The following SNRPN variants were observed in gnomAD, a reference collection of about 807,000 sequenced individuals.
SNRPN encodes the protein small nuclear ribonucleoprotein polypeptide N, also known as small nuclear ribonucleoprotein-associated protein N.
SNRPN carries 7 observed loss-of-function variants against 25.2 expected under a neutral mutation model. The ratio of observed to expected loss-of-function variants is 0.28; its 90% confidence interval spans 0.16 to 0.52. The LOEUF (loss-of-function observed/expected upper bound fraction) is 0.52. Ranked by LOEUF, SNRPN falls within the 20% of genes least tolerant of loss-of-function variation. SNRPN has a pLI of 0.96. For synonymous variants in SNRPN, 124 were observed against 110.6 expected, an observed-to-expected ratio of 1.12 and a Z score of -0.76; for missense variants, 196 against 322.5, an observed-to-expected ratio of 0.61 and a Z score of 3.00.
intron 1 of SNRPN, among the ~76,000 whole-genome samples, chr15:24,828,109 A>G (rs2050230797): frequency 6.6e-6 from 1 of 152,106 alleles, no homozygotes; most frequent in African/African-American, 2.4e-5. Flanking sequence ...AAAATTTAAC[A>G]CAATATTGAG....
chr15:24,843,071 A>G (rs1806615793), intron 2 of SNRPN, among the ~76,000 whole-genome samples: 1 of 151,806 alleles, frequency 6.6e-6, no homozygotes, highest in Non-Finnish European at 1.5e-5. Flanking sequence ...CAATTTACTC[A>G]ATTGTTTATG....
At chr15:24,954,455 C>T (rs1193562175), upstream of SNRPN, among the ~76,000 whole-genome samples, 2 of 152,164 alleles carry the variant, frequency 1.3e-5, no homozygotes, top group African/African-American at 4.8e-5. Flanking sequence ...ACAATTTACC[C>T]CCTCAAAATG....
At chr15:24,976,670 AAG>A (rs2077092898) in intron 6 of SNRPN, among the ~76,000 whole-genome samples, 1 of 152,208 alleles carries the variant, frequency 6.6e-6, no homozygotes, top group Admixed American at 6.5e-5. Flanking sequence ...ATGTTTATAA[AAG>A]AGGTGTTTTC....
upstream of SNRPN, among the ~76,000 whole-genome samples, chr15:24,852,808 C>G (rs1045732913): frequency 2.0e-5 from 3 of 152,072 alleles, no homozygotes; most frequent in Non-Finnish European, 2.9e-5. Context: ...TGTCTGCAGT[C>G]TCAGCTACTC....
chr15:24,851,992 A>T (rs1450100168), upstream of SNRPN: 2 of 152,338 alleles, frequency 1.3e-5, no homozygotes, highest in South Asian at 4.1e-4. Context: ...ACATTATATC[A>T]TAGAAAAAGT....
intron 2 of SNRPN, among the ~76,000 whole-genome samples, chr15:24,903,556 C>T (rs938793453): frequency 2.6e-5 from 4 of 152,166 alleles, no homozygotes; most frequent in African/African-American, 2.4e-5. Flanking sequence ...TTGAATGTTT[C>T]GGCACAGGTT....
intron 2 of SNRPN, among the ~76,000 whole-genome samples, chr15:24,889,527 G>C (rs929081650): frequency 1.3e-5 from 2 of 150,738 alleles, no homozygotes; most frequent in Non-Finnish European, 3.0e-5. Context: ...GGATGGTCTT[G>C]ATCTCCTGAC....
rs574344369 is a variant in SNRPN at position 24,978,128 on chromosome 15, G to A, written c.560-65G>A. ...TGGCCCATTTCTTTAGGGATTATTT[G>A]GGCTAAATTCTAACTTTTCTAAGCC... On this transcript the variant is annotated intron_variant, in intron 8 of 9. Coordinates refer to ENST00000390687, the MANE Select transcript of SNRPN (RefSeq NM_003097.6). 2.2e-5 allele frequency: 33 copies of A among 1,523,506 alleles called. No individual in the cohort carries two copies. The East Asian group carries it at 7.5e-4, about 35-fold the overall frequency. The allele number at this position is 1,523,506 out of a possible 1,614,324, so 94.4% of individuals were successfully genotyped here. A position where few individuals can be genotyped will look rare whatever the true frequency, so the allele number is the denominator to read the frequency against.
chr15:24,931,956 A>T (rs928960559), intron 3 of SNRPN, among the ~76,000 whole-genome samples: 4 of 151,878 alleles, frequency 2.6e-5, no homozygotes, highest in Non-Finnish European at 5.9e-5. Context: ...TCAGAGAAGT[A>T]AAAATTTACC....
chr15:24,939,643 C>T (rs935891423), intron 3 of SNRPN, among the ~76,000 whole-genome samples: 2 of 151,930 alleles, frequency 1.3e-5, no homozygotes, highest in East Asian at 1.9e-4. Flanking sequence ...GTGTTAACCA[C>T]GCTGGTCTCG....
At chr15:24,883,896 C>T (rs536923216) in intron 1 of SNRPN, among the ~76,000 whole-genome samples, 5 of 151,102 alleles carry the variant, frequency 3.3e-5, no homozygotes, top group Non-Finnish European at 5.9e-5. Context: ...GTCTCAGCTA[C>T]TCGGGAGGCT....
chr15:24,858,774 C>T (rs547374349), intron 1 of SNRPN, among the ~76,000 whole-genome samples: 2 of 152,148 alleles, frequency 1.3e-5, no homozygotes, highest in Admixed American at 6.5e-5. Context: ...GCACTCCAGT[C>T]TGGGTGACAG....
At chr15:24,922,274 G>A (rs2152577554) in intron 3 of SNRPN, among the ~76,000 whole-genome samples, 2 of 152,264 alleles carry the variant, frequency 1.3e-5, no homozygotes, top group South Asian at 4.2e-4. Context: ...CCTCACACAT[G>A]AAAGTGGCAG....
At chr15:24,849,647 G>A (rs1054728967) in intron 2 of SNRPN, 3 of 152,220 alleles carry the variant, frequency 2.0e-5, no homozygotes, top group Admixed American at 1.3e-4. Flanking sequence ...TCATTTCCTA[G>A]TATTGGAGGG....
At chr15:24,825,317 G>A (rs571747007) in intron 1 of SNRPN, among the ~76,000 whole-genome samples, 1 of 151,940 alleles carries the variant, frequency 6.6e-6, no homozygotes, top group Non-Finnish European at 1.5e-5. Flanking sequence ...AATAGTCATT[G>A]CAAACTAGAT....
At chr15:24,926,643 A>G (rs905743784) in intron 3 of SNRPN, among the ~76,000 whole-genome samples, 4 of 152,138 alleles carry the variant, frequency 2.6e-5, no homozygotes, top group East Asian at 1.9e-4. Context: ...CTTTTTAACA[A>G]ATAGATGTAT....
chr15:24,970,784 C>T (rs78549628), intron 3 of SNRPN, among the ~76,000 whole-genome samples: 3,067 of 152,248 alleles, frequency 0.02, 102 homozygotes, highest in African/African-American at 0.07. Context: ...ATTAGTTTCT[C>T]AGTACCACCC....
intron 1 of SNRPN, among the ~76,000 whole-genome samples, chr15:24,863,194 A>C (rs939437746): frequency 1.3e-5 from 2 of 150,900 alleles, no homozygotes; most frequent in East Asian, 3.9e-4. Flanking sequence ...AGGGCAGAGA[A>C]GTTTCTGTCC....
intron 1 of SNRPN, among the ~76,000 whole-genome samples, chr15:24,885,939 T>C (rs779563767): frequency 9.2e-5 from 14 of 152,156 alleles, no homozygotes; most frequent in Admixed American, 1.3e-4. Context: ...AGTTCAAGAA[T>C]GTCCTCATGG....
Sources: gnomAD v4.1 joint callset for allele counts (sites outside exome capture counted in the v4.1 genomes callset) on GRCh38, gnomAD v4.1.1 for gene constraint, MANE v1.5 for transcripts, NCBI Gene and HGNC (gene_info 2026-07-23, HGNC 2026-07-21) for gene names.